RPS6KC1: variants seen among roughly 807,000 people sequenced by gnomAD.
RPS6KC1 encodes ribosomal protein S6 kinase C1, also known as inactive ribosomal protein S6 kinase delta-1.
Under a neutral mutation model 103.8 loss-of-function variants are expected in RPS6KC1, and 54 were observed. That is an observed-to-expected ratio of 0.52 (90% CI 0.42 to 0.65). RPS6KC1 has a LOEUF of 0.65. Among genes scored for constraint, RPS6KC1 ranks in the 30% least tolerant of loss-of-function variants. The probability of loss-of-function intolerance (pLI) is 0.00; values close to 1 mark genes in which losing one functional copy is unlikely to be tolerated. For missense variants in RPS6KC1, 1,151 were observed against 1,253.8 expected (o/e 0.92, Z 1.24); for synonymous variants, 439 against 438.7 (o/e 1.00, Z -0.01).
At chr1:213,817,955 T>C in the RPS6KC1 span, 1 of 152,216 alleles carries the variant, frequency 6.6e-6, no homozygotes. Flanking sequence ...TCGTGATTAC[T>C]GTATCTGTTA....
chr1:213,580,613 A>C, the RPS6KC1 span, among the ~76,000 whole-genome samples: 1 of 151,962 alleles, frequency 6.6e-6, no homozygotes, highest in African/African-American at 2.4e-5. Flanking sequence ...TGATGTGGCA[A>C]ATTTTATTGT....
chr1:213,770,532 C>T, the RPS6KC1 span, among the ~76,000 whole-genome samples: 1 of 152,156 alleles, frequency 6.6e-6, no homozygotes, highest in Non-Finnish European at 1.5e-5. Flanking sequence ...CTGTTGAGTA[C>T]TTGAGAGTCA....
At chr1:213,662,344 C>T in the RPS6KC1 span, among the ~76,000 whole-genome samples, 1 of 151,974 alleles carries the variant, frequency 6.6e-6, no homozygotes, top group Non-Finnish European at 1.5e-5. Flanking sequence ...CTCCTGCAAC[C>T]TCTGCCTCCC....
At chr1:213,637,056 A>G in the RPS6KC1 span, among the ~76,000 whole-genome samples, 15 of 152,212 alleles carry the variant, frequency 9.9e-5, no homozygotes, top group Admixed American at 3.3e-4. Context: ...AATCAAAACC[A>G]CAATGAGATA....
chr1:213,688,658 A>C, the RPS6KC1 span, among the ~76,000 whole-genome samples: 20 of 152,308 alleles, frequency 1.3e-4, no homozygotes, highest in East Asian at 3.9e-3. Context: ...TCAACTCCCC[A>C]ACACTTACCA....
At chr1:213,195,223 A>G (rs894798864) in intron 8 of RPS6KC1, among the ~76,000 whole-genome samples, 4 of 152,218 alleles carry the variant, frequency 2.6e-5, no homozygotes, top group African/African-American at 9.7e-5. Context: ...GCTTGTGGTT[A>G]TGAGAATGTA....
At chr1:213,333,690 G>A in the RPS6KC1 span, among the ~76,000 whole-genome samples, 6 of 151,924 alleles carry the variant, frequency 3.9e-5, no homozygotes, top group African/African-American at 1.2e-4. Flanking sequence ...ATGGAATCTC[G>A]CTGTGTCACC....
the RPS6KC1 span, among the ~76,000 whole-genome samples, chr1:213,451,984 G>A: frequency 6.6e-6 from 1 of 152,158 alleles, no homozygotes; most frequent in Non-Finnish European, 1.5e-5. Flanking sequence ...AAAACACTGG[G>A]GCTGACGGTG....
intron 10 of RPS6KC1, among the ~76,000 whole-genome samples, chr1:213,235,629 G>A (rs1353880801): frequency 2.0e-5 from 3 of 152,124 alleles, no homozygotes; most frequent in Admixed American, 6.6e-5. Context: ...GCAGGGGTGT[G>A]CTTGGTGTTC....
intron 8 of RPS6KC1, among the ~76,000 whole-genome samples, chr1:213,214,047 C>T (rs1037208587): frequency 3.9e-5 from 6 of 152,210 alleles, no homozygotes; most frequent in African/African-American, 9.6e-5. Flanking sequence ...GTGGGTGCAG[C>T]GCACCGAGCA....
At chr1:213,577,190 G>T in the RPS6KC1 span, among the ~76,000 whole-genome samples, 1 of 152,178 alleles carries the variant, frequency 6.6e-6, no homozygotes, top group Non-Finnish European at 1.5e-5. Context: ...AGTCTTACAA[G>T]ATCTGATGGT....
At chr1:213,133,258 A>ACCACTC (rs1361710812) in intron 6 of RPS6KC1, among the ~76,000 whole-genome samples, 2 of 152,184 alleles carry the variant, frequency 1.3e-5, no homozygotes, top group African/African-American at 4.8e-5. Context: ...CATCTTGTTT[A>ACCACTC]TATATTACTG....
At chr1:213,566,431 C>A in the RPS6KC1 span, among the ~76,000 whole-genome samples, 2 of 57,362 alleles carry the variant, frequency 3.5e-5, no homozygotes, top group African/African-American at 1.1e-4. Context: ...AACTTCTCAG[C>A]CTTTAGTTTT....
chr1:213,590,706 C>A, the RPS6KC1 span, among the ~76,000 whole-genome samples: 1 of 152,102 alleles, frequency 6.6e-6, no homozygotes, highest in Non-Finnish European at 1.5e-5. Flanking sequence ...CTCTCATCAG[C>A]GGAGGCCATT....
At chr1:213,696,502 CAAAAAAA>C in the RPS6KC1 span, among the ~76,000 whole-genome samples, 1 of 120,932 alleles carries the variant, frequency 8.3e-6, no homozygotes, top group Non-Finnish European at 1.6e-5. Context: ...AACTCCGTCT[CAAAAAAA>C]AAAAAAAAAA....
At chr1:213,256,015 A>G (rs144565442) in intron 12 of RPS6KC1, among the ~76,000 whole-genome samples, 187 of 152,166 alleles carry the variant, frequency 1.2e-3, no homozygotes, top group South Asian at 2.9e-3. Context: ...TGGATTTAAA[A>G]ATTATTCAAT....
chr1:213,153,588 A>C (rs939260264), intron 6 of RPS6KC1, among the ~76,000 whole-genome samples: 13 of 152,184 alleles, frequency 8.5e-5, no homozygotes, highest in African/African-American at 3.1e-4. Context: ...CAGACTTCCT[A>C]CTTAGGATAA....
At chr1:213,523,947 C>T in the RPS6KC1 span, among the ~76,000 whole-genome samples, 14 of 152,210 alleles carry the variant, frequency 9.2e-5, no homozygotes, top group African/African-American at 2.4e-4. Flanking sequence ...GCAGAGGAGA[C>T]GGCTTGTCTA....
chr1:213,211,018 G>A lies in RPS6KC1; in HGVS notation c.1045-19479G>A, dbSNP rs186329715. Among the ~76,000 whole-genome samples, 565 of 152,232 alleles carry A rather than the reference G, an allele frequency of 3.7e-3. 8 individuals carry two copies. The highest frequency in any genetic ancestry group is 0.012 in the African/African-American group (504 of 41,538). ...GTATTTATAGAGCACATCTAGCAGC[G>A]GACAGAAAATATTAAACTAGGGTAT... On this transcript the variant is annotated intron_variant, in intron 8 of 14. Coordinates refer to ENST00000366960, the MANE Select transcript of RPS6KC1 (RefSeq NM_012424.6).
Sources: gnomAD v4.1 joint callset for allele counts (sites outside exome capture counted in the v4.1 genomes callset) on GRCh38, gnomAD v4.1.1 for gene constraint, MANE v1.5 for transcripts, NCBI Gene and HGNC (gene_info 2026-07-23, HGNC 2026-07-21) for gene names.